The following IRF8 variants were observed in gnomAD, a reference collection of about 807,000 sequenced individuals.
The protein encoded by IRF8 is interferon consensus sequence binding protein 1.
A neutral mutation model predicts 48.7 loss-of-function variants in IRF8; 14 were observed. That is an observed-to-expected ratio of 0.29 (90% confidence interval 0.19 to 0.45). The LOEUF (loss-of-function observed/expected upper bound fraction) is 0.45. Among genes scored for constraint, IRF8 ranks in the 20% least tolerant of loss-of-function variants. The pLI, the probability that IRF8 is intolerant of heterozygous loss-of-function variation, is 1.00. For synonymous variants in IRF8, 278 were observed against 227.3 expected, an observed-to-expected ratio of 1.22 and a Z score of -2.01; for missense variants, 493 against 580.7, an observed-to-expected ratio of 0.85 and a Z score of 1.55.
In IRF8 at chr16:85,909,121, C is replaced by G; in HGVS notation, c.306C>G (p.Asp102Glu). ...FEEVTDRSQL[D>E]ISEPYKVYRI... Reference sequence around the variant, plus strand: ...AAGTGACGGACCGGTCCCAACTGGACATTTCCGAGCCATACAAAGTTTACC... The same window carrying G: ...AAGTGACGGACCGGTCCCAACTGGAGATTTCCGAGCCATACAAAGTTTACC... The change falls in exon 3 of 9, where the codon GAC becomes GAG. Residue 102 changes from aspartate to glutamate, a missense_variant. Asp to Glu is a conservative substitution (Grantham distance 45). This residue lies in a region of IRF8 where 408 missense variants were observed against 449.6 expected (regional missense o/e 0.91). Coordinates refer to ENST00000268638, the MANE Select transcript of IRF8 (RefSeq NM_002163.4). 6.2e-7 allele frequency: 1 copy of G among 1,614,156 alleles called. No individual in the cohort carries two copies.
intron 7 of IRF8, 117 bp downstream of exon 7, chr16:85,918,920 G>C (rs1221298326): frequency 7.5e-7 from 1 of 1,328,930 alleles, no homozygotes; most frequent in East Asian, 2.3e-5. Context: ...GAGGAGGAGT[G>C]AGGGGCATGG....
intron 1 of IRF8, among the ~76,000 whole-genome samples, chr16:85,900,185 G>A (rs1567874247): frequency 6.6e-6 from 1 of 152,152 alleles, no homozygotes; most frequent in Non-Finnish European, 1.5e-5. Context: ...AGTGCCCTGG[G>A]CCCTCCGAGG....
At chr16:85,904,304 TG>T (rs1459273536) in intron 2 of IRF8, among the ~76,000 whole-genome samples, 2 of 151,108 alleles carry the variant, frequency 1.3e-5, no homozygotes, top group East Asian at 1.9e-4. Flanking sequence ...GCTGAGTTGT[TG>T]GGGGCCAGAA....
chr16:85,907,933 C>T (rs1485808065), intron 2 of IRF8, among the ~76,000 whole-genome samples: 2 of 151,818 alleles, frequency 1.3e-5, no homozygotes, highest in African/African-American at 2.4e-5. Context: ...AGTTACTTAC[C>T]TCTTGGAATT....
chr16:85,915,412 A>G (rs576294148), intron 6 of IRF8, among the ~76,000 whole-genome samples: 1 of 152,348 alleles, frequency 6.6e-6, no homozygotes, highest in South Asian at 2.1e-4. Context: ...TGAGGACTGC[A>G]TGGGACAGTT....
At chr16:85,913,529 G>A (rs1905208430) in intron 5 of IRF8, among the ~76,000 whole-genome samples, 1 of 152,248 alleles carries the variant, frequency 6.6e-6, no homozygotes, top group Admixed American at 6.5e-5. Context: ...CCAGGGAAGA[G>A]GGTCTAGTGA....
intron 7 of IRF8, 21 bp from the exon 8 acceptor site, chr16:85,920,088 C>T (rs541111105): frequency 5.3e-5 from 84 of 1,584,360 alleles, no homozygotes; most frequent in Non-Finnish European, 7.1e-5. Context: ...TTGCAAACAC[C>T]CTCTGCCTGT....
chr16:85,914,496 A>T lies in IRF8; in HGVS notation c.577A>T (p.Thr193Ser). The change falls in exon 6 of 9, where the codon ACC becomes TCC. Residue 193 changes from threonine to serine, a missense_variant. This residue lies in a region of IRF8 where 408 missense variants were observed against 449.6 expected (regional missense o/e 0.91). Coordinates refer to ENST00000268638, the MANE Select transcript of IRF8 (RefSeq NM_002163.4). ...AGGCGTGCCGCTGGTGACGGGGTAC[A>T]CCACCTACGACGCGCACCATTCAGG... ...STGVPLVTGY[T>S]TYDAHHSAFS... 1 of 1,614,108 alleles carries T rather than the reference A, an allele frequency of 6.2e-7. No individual in the cohort carries two copies. Among genetic ancestry groups the T allele is most frequent in the Non-Finnish European group, 8.5e-7 (1 of 1,180,014 alleles).
At position 85,911,625 on chromosome 16, in the gene IRF8, C is replaced by G. The variant is rs8052064; in HGVS notation, c.414C>G (p.Cys138Trp). Reference sequence around the variant, plus strand: ...TGAATGAAGTTACAGAGATGGAGTGCGGTCGCTCTGAAATCGACGAGCTGA... The same window carrying G: ...TGAATGAAGTTACAGAGATGGAGTGGGGTCGCTCTGAAATCGACGAGCTGA... ...GCVNEVTEMECGRSEIDELIK... is the reference protein window; with the variant it reads ...GCVNEVTEMEWGRSEIDELIK... Residue 138 changes from cysteine (C) to tryptophan (W), a missense_variant, in exon 4 of 9, where the codon TGC becomes TGG. By Grantham distance (215) the Cys-to-Trp change is radical. Coordinates refer to ENST00000268638, the MANE Select transcript of IRF8 (RefSeq NM_002163.4). 143 of 1,613,782 alleles carry G rather than the reference C, an allele frequency of 8.9e-5. No individual in the cohort carries two copies. Among genetic ancestry groups the G allele is most frequent in the Non-Finnish European group, 1.2e-4 (142 of 1,179,906 alleles).
chr16:85,916,699 A>G (rs1442806100), intron 6 of IRF8, among the ~76,000 whole-genome samples: 2 of 152,218 alleles, frequency 1.3e-5, no homozygotes, highest in African/African-American at 2.4e-5. Context: ...CAAAGGGGTG[A>G]CGGAGTTGCC....
intron 6 of IRF8, among the ~76,000 whole-genome samples, chr16:85,915,903 C>T (rs1459258384): frequency 1.3e-5 from 2 of 152,182 alleles, no homozygotes; most frequent in Non-Finnish European, 2.9e-5. Flanking sequence ...AAGCTGTGAG[C>T]TTTGGTACCT....
chr16:85,909,604 G>C (rs958576523), intron 3 of IRF8: 1 of 250,710 alleles, frequency 4.0e-6, no homozygotes, highest in Non-Finnish European at 7.9e-6. Context: ...CGTTGTTGGA[G>C]ATGGGATATG....
At position 85,921,467 on chromosome 16, in the gene IRF8, C is replaced by A; in HGVS notation, c.*185C>A. On this transcript the variant is annotated 3_prime_UTR_variant, in exon 9 of 9. Coordinates refer to ENST00000268638, the MANE Select transcript of IRF8 (RefSeq NM_002163.4). Reference sequence around the variant, plus strand: ...AATACGAAGTGGCGGCATAGCCCTGCCGAGATGTCGGTGATGGCCTGGATG... The same window carrying A: ...AATACGAAGTGGCGGCATAGCCCTGACGAGATGTCGGTGATGGCCTGGATG... The A allele has an allele frequency of 1.5e-6, 1 of 676,206 alleles. No individual in the cohort carries two copies. Among genetic ancestry groups the A allele is most frequent in the Non-Finnish European group, 2.6e-6 (1 of 386,550 alleles). The allele number at this position is 676,206 out of a possible 1,614,324, so 41.9% of individuals were successfully genotyped here. A position where few individuals can be genotyped will look rare whatever the true frequency, so the allele number is the denominator to read the frequency against.
At chr16:85,910,862 T>G (rs1166460910) in intron 3 of IRF8, among the ~76,000 whole-genome samples, 1 of 152,218 alleles carries the variant, frequency 6.6e-6, no homozygotes, top group Non-Finnish European at 1.5e-5. Context: ...ATTCTGTAGG[T>G]CACTGGGAAT....
intron 3 of IRF8, 86 bp from the exon 4 acceptor site, chr16:85,911,484 C>T: frequency 2.6e-6 from 3 of 1,139,822 alleles, no homozygotes; most frequent in South Asian, 1.3e-5. Context: ...TCCTTAAACT[C>T]AGCATTTACA....
chr16:85,918,701 C>T lies in IRF8; in HGVS notation c.886C>T (p.Arg296Cys), dbSNP rs1377715288. The change falls in exon 7 of 9, where the codon CGC becomes TGC. Residue 296 changes from arginine (R) to cysteine (C), a missense_variant. Around this residue, in one of 3 missense-constraint regions of IRF8, gnomAD observed 408 missense variants for 449.6 expected, o/e 0.91. Transcript: ENST00000268638. ...GTTCGTCAAGCGGCTGTGCCAGGGC[C>T]GCGTGTTCTGCAGCGGCAACGCCGT... ...GVFVKRLCQG[R>C]VFCSGNAVVC... The T allele has an allele frequency of 4.3e-6, 7 of 1,612,204 alleles. No individual in the cohort carries two copies. The highest frequency in any genetic ancestry group is 5.9e-6 in the Non-Finnish European group (7 of 1,179,990).
chr16:85,912,641 C>G (rs1905179425), intron 4 of IRF8, among the ~76,000 whole-genome samples: 1 of 152,202 alleles, frequency 6.6e-6, no homozygotes, highest in Admixed American at 6.5e-5. Flanking sequence ...GATTGCCACA[C>G]CGGGGTCACA....
At chr16:85,906,943 C>G (rs1390630530) in intron 2 of IRF8, among the ~76,000 whole-genome samples, 1 of 152,040 alleles carries the variant, frequency 6.6e-6, no homozygotes, top group African/African-American at 2.4e-5. Context: ...TGGGGAAACC[C>G]TGATTTAAAG....
Position 85,921,462 on chromosome 16 carries a change from C to T in IRF8, c.*180C>T. 1.4e-6 allele frequency: 1 copy of T among 694,680 alleles called. No individual in the cohort carries two copies. Among genetic ancestry groups the T allele is most frequent in the Admixed American group, 2.2e-5 (1 of 44,544 alleles). The allele number at this position is 694,680 out of a possible 1,614,324, so 43.0% of individuals were successfully genotyped here. A position where few individuals can be genotyped will look rare whatever the true frequency, so the allele number is the denominator to read the frequency against. ...CGTTTAATACGAAGTGGCGGCATAG[C>T]CCTGCCGAGATGTCGGTGATGGCCT... On this transcript the variant is annotated 3_prime_UTR_variant, in exon 9 of 9. Transcript: ENST00000268638.
Sources: allele counts gnomAD v4.1 joint callset (sites outside exome capture counted in the v4.1 genomes callset), GRCh38; gene constraint gnomAD v4.1.1; regional missense constraint gnomAD v4.1.1; transcripts MANE v1.5; gene names NCBI Gene and HGNC (gene_info 2026-07-23, HGNC 2026-07-21).